The following KHDC1 variants were observed in gnomAD, a reference collection of about 807,000 sequenced individuals.
The protein encoded by KHDC1 is KH homology domain-containing protein 1.
KHDC1 carries 21 observed loss-of-function variants against 24.7 expected under a neutral mutation model. The ratio of observed to expected loss-of-function variants is 0.85; its 90% confidence interval spans 0.60 to 1.23. The LOEUF (loss-of-function observed/expected upper bound fraction) is 1.23, where lower values mean the gene tolerates loss of function less well. KHDC1 is among the 50% of genes most tolerant of loss of function. The pLI, the probability that KHDC1 is intolerant of heterozygous loss-of-function variation, is 0.00. For missense variants in KHDC1, 274 were observed against 298.5 expected (o/e 0.92, Z 0.61); for synonymous variants, 98 against 111.7 (o/e 0.88, Z 0.77).
intron 2 of KHDC1, among the ~76,000 whole-genome samples, chr6:73,276,783 G>C (rs1767307346): frequency 6.6e-6 from 1 of 152,198 alleles, no homozygotes; most frequent in Non-Finnish European, 1.5e-5. Context: ...TGTAGCTAAA[G>C]GGCAGCAAGT....
intron 2 of KHDC1, 52 bp from the exon 2 acceptor site, chr6:73,242,582 A>C (rs1165970500): frequency 5.0e-6 from 8 of 1,611,852 alleles, no homozygotes; most frequent in Non-Finnish European, 6.8e-6. Context: ...AAGACTTGGA[A>C]AAGTGAGGGA....
chr6:73,298,316 C>G (rs899670050), intron 1 of KHDC1, among the ~76,000 whole-genome samples: 2 of 151,846 alleles, frequency 1.3e-5, no homozygotes, highest in Non-Finnish European at 2.9e-5. Context: ...AAGTTTCCCA[C>G]ATGCAGCATT....
intron 2 of KHDC1, among the ~76,000 whole-genome samples, chr6:73,270,942 G>A (rs59189283): frequency 0.015 from 2,307 of 151,920 alleles, 25 homozygotes; most frequent in East Asian, 0.056. Context: ...CACCCACATC[G>A]GCCTCTCAAA....
intron 2 of KHDC1, chr6:73,276,547 G>GC (rs1767303701): frequency 6.6e-6 from 1 of 151,518 alleles, no homozygotes; most frequent in African/African-American, 2.4e-5. Context: ...TGTGCCTGTT[G>GC]CCCCTTCTAA....
At chr6:73,279,533 A>T (rs1282744009) in intron 2 of KHDC1, among the ~76,000 whole-genome samples, 1 of 150,988 alleles carries the variant, frequency 6.6e-6, no homozygotes, top group Non-Finnish European at 1.5e-5. Flanking sequence ...ATATATTGAA[A>T]TTTTTTTCTC....
chr6:73,274,046 A>C (rs958868772), intron 2 of KHDC1: 3 of 152,200 alleles, frequency 2.0e-5, no homozygotes, highest in Non-Finnish European at 4.4e-5. Flanking sequence ...TTGAGGCTAC[A>C]GTGAAATACA....
intron 1 of KHDC1, among the ~76,000 whole-genome samples, chr6:73,302,192 G>A (rs1767889172): frequency 6.6e-6 from 1 of 152,130 alleles, no homozygotes; most frequent in Non-Finnish European, 1.5e-5. Context: ...AGGAGGCTGG[G>A]GCAGGAGGAT....
exon 1 of KHDC1, chr6:73,309,834 G>C: frequency 3.2e-6 from 4 of 1,241,946 alleles, no homozygotes; most frequent in Non-Finnish European, 4.4e-6. Context: ...GCGAAGTTCA[G>C]GACGCGAAGG....
In KHDC1 at chr6:73,274,232, T is replaced by C. The variant is rs1020764994; in HGVS notation, c.206+17766A>G. The C allele has an allele frequency of 2.6e-5, 4 of 152,348 alleles. No individual in the cohort carries two copies. The East Asian group carries it at 5.8e-4, about 22-fold the overall frequency. The allele number at this position is 152,348 out of a possible 1,614,324, so 9.4% of individuals were successfully genotyped here. On this transcript the variant is annotated intron_variant, in intron 2 of 4. Transcript: ENST00000370384. ...AACTATTTGCCAAAACAAAAAAGAATGGCATCATTCTACATTTTTGCAAAT... is the reference window on the plus strand; with the variant it reads ...AACTATTTGCCAAAACAAAAAAGAACGGCATCATTCTACATTTTTGCAAAT...
At chr6:73,249,804 T>C (rs980760026) in intron 2 of KHDC1, among the ~76,000 whole-genome samples, 5 of 151,918 alleles carry the variant, frequency 3.3e-5, no homozygotes, top group Admixed American at 2.0e-4. Flanking sequence ...GTCCAGAGAG[T>C]AGTGTCGTGA....
chr6:73,293,148 A>G (rs1421502540), intron 1 of KHDC1: 37 of 771,488 alleles, frequency 4.8e-5, no homozygotes, highest in Non-Finnish European at 8.1e-5. Flanking sequence ...CCTATCAGCA[A>G]GTGATTGAAA....
chr6:73,259,846 A>T (rs1234438261), intron 2 of KHDC1, among the ~76,000 whole-genome samples: 1 of 152,156 alleles, frequency 6.6e-6, no homozygotes, highest in African/African-American at 2.4e-5. Context: ...CTTTGTCCTA[A>T]CTAGGCATTT....
intron 1 of KHDC1, among the ~76,000 whole-genome samples, chr6:73,302,038 C>G (rs181414041): frequency 1.8e-4 from 28 of 152,222 alleles, no homozygotes; most frequent in African/African-American, 6.0e-4. Flanking sequence ...ACCTGTAATT[C>G]CAGCACTTTG....
At chr6:73,298,142 C>A (rs981179384) in intron 1 of KHDC1, among the ~76,000 whole-genome samples, 1 of 151,446 alleles carries the variant, frequency 6.6e-6, no homozygotes, top group African/African-American at 2.4e-5. Context: ...GTGAAGGTGA[C>A]AAAACGAGAC....
At chr6:73,256,181 T>C (rs1359123674) in intron 2 of KHDC1, among the ~76,000 whole-genome samples, 11 of 152,172 alleles carry the variant, frequency 7.2e-5, no homozygotes, top group Admixed American at 6.6e-4. Flanking sequence ...TTAGAATAAA[T>C]TGCTAGCCAT....
chr6:73,245,290 G>A (rs1415818310), intron 2 of KHDC1, among the ~76,000 whole-genome samples: 1 of 152,160 alleles, frequency 6.6e-6, no homozygotes, highest in Non-Finnish European at 1.5e-5. Flanking sequence ...ATTCCTCAGT[G>A]AATTCCTTTC....
At chr6:73,285,649 CTTT>C (rs539979246) in intron 2 of KHDC1, among the ~76,000 whole-genome samples, 1 of 130,066 alleles carries the variant, frequency 7.7e-6, no homozygotes. Flanking sequence ...TCTTTTTTTT[CTTT>C]TTTTTTTTTT....
chr6:73,267,358 C>T (rs557400384), intron 2 of KHDC1, among the ~76,000 whole-genome samples: 2 of 152,166 alleles, frequency 1.3e-5, no homozygotes, highest in South Asian at 4.2e-4. Flanking sequence ...TGGCAGGCGC[C>T]TGTAGTCCCA....
intron 2 of KHDC1, chr6:73,291,471 T>TA (rs1767649468): frequency 5.8e-6 from 1 of 173,108 alleles, no homozygotes; most frequent in Non-Finnish European, 1.2e-5. Context: ...AATATCTCTT[T>TA]AAGTCTAAAT....
Sources: gnomAD v4.1 joint callset for allele counts (sites outside exome capture counted in the v4.1 genomes callset) on GRCh38, gnomAD v4.1.1 for gene constraint, MANE v1.5 for transcripts, NCBI Gene and HGNC (gene_info 2026-07-23, HGNC 2026-07-21) for gene names.